The following TMEM65 variants were observed in gnomAD, a reference collection of about 807,000 sequenced individuals.
The protein encoded by TMEM65 is transmembrane protein 65.
In TMEM65, 22 loss-of-function variants were observed where a neutral mutation model predicts 25.4. That is an observed-to-expected ratio of 0.86 (90% CI 0.62 to 1.23). TMEM65 has a LOEUF of 1.23. Ranked by LOEUF, TMEM65 falls within the 50% of genes most tolerant of loss-of-function variation. The pLI, the probability that TMEM65 is intolerant of heterozygous loss-of-function variation, is 0.00. For synonymous variants in TMEM65, 132 were observed against 126.2 expected, an observed-to-expected ratio of 1.05 and a Z score of -0.31; for missense variants, 262 against 308.2, an observed-to-expected ratio of 0.85 and a Z score of 1.12.
chr8:124,347,327 T>A (rs1361870563), intron 1 of TMEM65, among the ~76,000 whole-genome samples: 1 of 152,204 alleles, frequency 6.6e-6, no homozygotes, highest in Non-Finnish European at 1.5e-5. Flanking sequence ...CTTGTAATTT[T>A]ATTTAGCATT....
chr8:124,317,258 AGT>A (rs1287956435), intron 6 of TMEM65, among the ~76,000 whole-genome samples: 2 of 152,102 alleles, frequency 1.3e-5, no homozygotes, highest in African/African-American at 4.8e-5. Context: ...ACCTCCCGTT[AGT>A]GTTTCAATTC....
intron 1 of TMEM65, among the ~76,000 whole-genome samples, chr8:124,349,861 TATAAGA>T (rs1302549496): frequency 5.3e-5 from 8 of 152,274 alleles, no homozygotes; most frequent in Admixed American, 2.0e-4. Context: ...TGCCATTATC[TATAAGA>T]ATAAGTATCT....
At chr8:124,331,635 C>T (rs1814433540) in intron 1 of TMEM65, among the ~76,000 whole-genome samples, 1 of 151,628 alleles carries the variant, frequency 6.6e-6, no homozygotes, top group Non-Finnish European at 1.5e-5. Flanking sequence ...TAACAATAAG[C>T]ATCTCACCAT....
At chr8:124,342,958 C>T (rs544530785) in intron 1 of TMEM65, among the ~76,000 whole-genome samples, 15 of 152,024 alleles carry the variant, frequency 9.9e-5, no homozygotes, top group South Asian at 4.2e-4. Context: ...CACATAAGGC[C>T]GATGCTGTAA....
chr8:124,341,813 T>C (rs545616514), intron 1 of TMEM65, among the ~76,000 whole-genome samples: 2 of 152,088 alleles, frequency 1.3e-5, no homozygotes, highest in South Asian at 2.1e-4. Context: ...CAAACTTAGA[T>C]TCTTAATAAA....
intron 1 of TMEM65, among the ~76,000 whole-genome samples, chr8:124,361,294 G>C (rs1814855972): frequency 6.6e-6 from 1 of 152,052 alleles, no homozygotes; most frequent in Non-Finnish European, 1.5e-5. Context: ...AATAAGCTGG[G>C]CGTAGTGGTG....
chr8:124,364,829 T>C (rs1814917262), intron 1 of TMEM65, among the ~76,000 whole-genome samples: 1 of 152,206 alleles, frequency 6.6e-6, no homozygotes, highest in Admixed American at 6.5e-5. Flanking sequence ...GCTACAGTCC[T>C]GTAAAGCTAC....
At chr8:124,315,914 T>C (rs1814231926) in intron 6 of TMEM65, among the ~76,000 whole-genome samples, 1 of 152,218 alleles carries the variant, frequency 6.6e-6, no homozygotes, top group Non-Finnish European at 1.5e-5. Context: ...CATTTGAATA[T>C]ATGCATAGAG....
At chr8:124,347,033 G>C (rs1814647241) in intron 1 of TMEM65, among the ~76,000 whole-genome samples, 1 of 152,102 alleles carries the variant, frequency 6.6e-6, no homozygotes, top group Non-Finnish European at 1.5e-5. Flanking sequence ...AGTCTAACGT[G>C]CACCAAAAGT....
At position 124,372,352 on chromosome 8, in the gene TMEM65, A is replaced by C; in HGVS notation, c.-195T>G. ...GTTCCGTCCCCACTTCCTTTCCAAA[A>C]GGCCCGCGGCGGCTCCCGCCCCTCC... On this transcript the variant is annotated 5_prime_UTR_variant, in exon 1 of 7. Transcript: ENST00000297632. The C allele has an allele frequency of 3.3e-6, 1 of 299,336 alleles. No individual in the cohort carries two copies. The highest frequency in any genetic ancestry group is 5.1e-6 in the Non-Finnish European group (1 of 194,892). The allele number at this position is 299,336 out of a possible 1,614,324, so 18.5% of individuals were successfully genotyped here. A position where few individuals can be genotyped will look rare whatever the true frequency, so the allele number is the denominator to read the frequency against.
chr8:124,356,143 T>A (rs993860527), intron 1 of TMEM65, among the ~76,000 whole-genome samples: 3 of 152,184 alleles, frequency 2.0e-5, no homozygotes, highest in Admixed American at 1.3e-4. Context: ...CTTTTTTTAA[T>A]AAATTACCCA....
chr8:124,357,847 TG>T (rs1205993028), intron 1 of TMEM65, among the ~76,000 whole-genome samples: 2 of 147,876 alleles, frequency 1.4e-5, no homozygotes, highest in Admixed American at 6.7e-5. Context: ...TTTTTTTTTT[TG>T]AGATGGAGTT....
intron 1 of TMEM65, among the ~76,000 whole-genome samples, chr8:124,352,793 G>C (rs1259710448): frequency 1.3e-5 from 2 of 152,034 alleles, no homozygotes. Context: ...AGCAGTGTGA[G>C]GTGTATCCAC....
rs1422813074 is a variant in TMEM65, at chr8:124,310,764, AAC to A, written c.*3194_*3195del. ...CAAATAATTTATGGTAAGATAGGCT[AAC>A]CAGTTTCTAAGTCCAGACAACTGAG... On this transcript the variant is annotated 3_prime_UTR_variant, in exon 7 of 7. Coordinates refer to ENST00000297632, the MANE Select transcript of TMEM65 (RefSeq NM_194291.3). 1 of 152,124 alleles carries A rather than the reference AAC, an allele frequency of 6.6e-6. No homozygotes were observed. Among genetic ancestry groups the A allele is most frequent in the Non-Finnish European group, 1.5e-5 (1 of 68,022 alleles). The allele number at this position is 152,124 out of a possible 1,614,324, so 9.4% of individuals were successfully genotyped here.
At chr8:124,341,399 G>A (rs1182483086) in intron 1 of TMEM65, among the ~76,000 whole-genome samples, 2 of 152,012 alleles carry the variant, frequency 1.3e-5, no homozygotes, top group Non-Finnish European at 2.9e-5. Context: ...TAAAAACTGA[G>A]CATTAATACC....
chr8:124,371,458 A>G (rs913977774), intron 1 of TMEM65, among the ~76,000 whole-genome samples: 2 of 152,216 alleles, frequency 1.3e-5, no homozygotes, highest in African/African-American at 4.8e-5. Flanking sequence ...ACAGCATGCC[A>G]CCTGCACGGG....
intron 1 of TMEM65, among the ~76,000 whole-genome samples, chr8:124,350,538 G>T (rs1814695081): frequency 6.6e-6 from 1 of 151,158 alleles, no homozygotes; most frequent in African/African-American, 2.4e-5. Flanking sequence ...ACCTGAGTTA[G>T]ATATCAAGCT....
At position 124,372,105 on chromosome 8, in the gene TMEM65, G is replaced by A; in HGVS notation, c.53C>T (p.Pro18Leu). ...GGGCGCGGCGGCGGCGGCCGGGCCC[G>A]GCCTCAGGCTGCGCGCGGTCCGGCT... Reference protein sequence around the residue: ...LRSRTARSLRPGPAAAAAPRP... With the variant: ...LRSRTARSLRLGPAAAAAPRP... The change falls in exon 1 of 7, where the codon CCG (proline) becomes CTG (leucine). Residue 18 changes from proline to leucine, a missense_variant. Physicochemically the swap from Pro to Leu is moderately conservative, Grantham distance 98. Transcript: ENST00000297632. 9.7e-7 allele frequency: 1 copy of A among 1,031,574 alleles called. No individual in the cohort carries two copies. The highest frequency in any genetic ancestry group is 1.2e-6 in the Non-Finnish European group (1 of 860,732). 63.9% of individuals were successfully genotyped at this position (1,031,574 alleles called of 1,614,324 possible).
At chr8:124,370,351 C>T (rs1814996179) in intron 1 of TMEM65, among the ~76,000 whole-genome samples, 1 of 152,140 alleles carries the variant, frequency 6.6e-6, no homozygotes, top group Admixed American at 6.5e-5. Flanking sequence ...TTCAAATAGT[C>T]TTGTCAGTGC....
Sources: gnomAD v4.1 joint callset for allele counts (sites outside exome capture counted in the v4.1 genomes callset) on GRCh38, gnomAD v4.1.1 for gene constraint, MANE v1.5 for transcripts, NCBI Gene and HGNC (gene_info 2026-07-23, HGNC 2026-07-21) for gene names.